The following PPM1D variants were observed in gnomAD, a reference collection of about 807,000 sequenced individuals.
PPM1D encodes the protein protein phosphatase 1D.
In PPM1D, 52 loss-of-function variants were observed where a neutral mutation model predicts 58.3. The observed-to-expected ratio is 0.89, with a 90% CI of 0.71 to 1.12. The LOEUF is 1.12. Among genes scored for constraint, PPM1D ranks in the 50% most tolerant of loss-of-function variants. The pLI is 0.00. For missense variants in PPM1D, 564 were observed against 777.2 expected, an observed-to-expected ratio of 0.73 and a Z score of 3.26; for synonymous variants, 278 against 285.1, an observed-to-expected ratio of 0.98 and a Z score of 0.25.
chr17:60,637,232 CTTTTTTCTT>C (rs893961794), intron 3 of PPM1D, among the ~76,000 whole-genome samples: 2 of 152,040 alleles, frequency 1.3e-5, no homozygotes, highest in Non-Finnish European at 2.9e-5. Context: ...GAATTTTTCT[CTTTTTTCTT>C]TTTCTTTCTT....
In PPM1D at chr17:60,665,469, A is replaced by C. The variant is rs944307871; in HGVS notation, c.*1917A>C. ...ATGATCCACCAGCCTAGGCCTCCCA[A>C]AGTGCTGGGATTACAGGTGTGAGCC... On this transcript the variant is annotated 3_prime_UTR_variant, in exon 6 of 6. Coordinates refer to ENST00000305921, the MANE Select transcript of PPM1D (RefSeq NM_003620.4). 1 of 152,112 alleles carries C rather than the reference A, an allele frequency of 6.6e-6. No individual in the cohort carries two copies. Among genetic ancestry groups the C allele is most frequent in the Non-Finnish European group, 1.5e-5 (1 of 68,062 alleles). The allele number at this position is 152,112 out of a possible 1,614,324, so 9.4% of individuals were successfully genotyped here.
chr17:60,635,835 A>G (rs944026116), intron 3 of PPM1D, among the ~76,000 whole-genome samples: 4 of 152,178 alleles, frequency 2.6e-5, no homozygotes, highest in African/African-American at 9.7e-5. Context: ...TGTATTAGTT[A>G]TCTATTGCTG....
At chr17:60,604,567 T>A (rs749456246) in intron 1 of PPM1D, 1 of 152,196 alleles carries the variant, frequency 6.6e-6, no homozygotes, top group Non-Finnish European at 1.5e-5. Flanking sequence ...ATATGCAGCC[T>A]GGGCAACATG....
intron 5 of PPM1D, among the ~76,000 whole-genome samples, chr17:60,661,331 C>G (rs1330305718): frequency 6.6e-6 from 1 of 150,734 alleles, no homozygotes; most frequent in East Asian, 1.9e-4. Context: ...TTTTCAGAAT[C>G]TATTAATATT....
chr17:60,619,096 T>C (rs1261360575), intron 1 of PPM1D, among the ~76,000 whole-genome samples: 1 of 152,228 alleles, frequency 6.6e-6, no homozygotes, highest in East Asian at 1.9e-4. Context: ...TTCTGTGACT[T>C]TTTCTTTAGA....
At chr17:60,644,612 T>G (rs1567974223) in intron 3 of PPM1D, among the ~76,000 whole-genome samples, 1 of 152,204 alleles carries the variant, frequency 6.6e-6, no homozygotes, top group Non-Finnish European at 1.5e-5. Context: ...TGTTTGGAGG[T>G]GAAGTGTTTT....
intron 3 of PPM1D, 30 bp from the exon 4 acceptor site, chr17:60,647,862 C>T: frequency 3.8e-6 from 6 of 1,561,458 alleles, no homozygotes; most frequent in Non-Finnish European, 5.3e-6. Context: ...CCAACTAATA[C>T]TTCTTGCTTT....
chr17:60,633,178 G>A (rs938041522), intron 2 of PPM1D, among the ~76,000 whole-genome samples: 22 of 151,894 alleles, frequency 1.4e-4, no homozygotes, highest in Non-Finnish European at 4.4e-5. Context: ...CAAGCTACTC[G>A]GGAGGCTTAG....
intron 4 of PPM1D, among the ~76,000 whole-genome samples, chr17:60,656,181 C>T (rs750114160): frequency 4.6e-5 from 7 of 151,612 alleles, no homozygotes; most frequent in Admixed American, 2.0e-4. Flanking sequence ...TTTGGCTGGG[C>T]GCAGTGGCTC....
In PPM1D at chr17:60,654,846, C is replaced by T. The variant is rs1229270971; in HGVS notation, c.1018-1753C>T. 5.0e-5 allele frequency among the ~76,000 whole-genome samples: 7 copies of T among 140,032 alleles called. No homozygotes were observed. The East Asian group carries it at 6.2e-4, about 12-fold the overall frequency. The allele number at this position is 140,032 out of a possible 152,430, so 91.9% of individuals were successfully genotyped here. A position where few individuals can be genotyped will look rare whatever the true frequency, so the allele number is the denominator to read the frequency against. ...TCTTGCCATTGCACTCCAGCCTGGG[C>T]GACAAGAGCAAAACTCCATCTCAAA... On this transcript the variant is annotated intron_variant, in intron 4 of 5. Transcript: ENST00000305921.
intron 5 of PPM1D, among the ~76,000 whole-genome samples, chr17:60,660,117 C>T (rs1370876521): frequency 1.3e-5 from 2 of 152,188 alleles, no homozygotes; most frequent in South Asian, 2.1e-4. Flanking sequence ...AGGCTGATCA[C>T]CCGAGGTCAG....
At chr17:60,661,219 CAAAAAAAAAAA>C (rs373913706) in intron 5 of PPM1D, among the ~76,000 whole-genome samples, 2 of 48,960 alleles carry the variant, frequency 4.1e-5, no homozygotes, top group South Asian at 7.7e-4. Flanking sequence ...AACTCCATCT[CAAAAAAAAAAA>C]AAAAAAAAAA....
Position 60,648,027 on chromosome 17 carries a change from C to T in PPM1D, c.962C>T (p.Pro321Leu). The change falls in exon 4 of 6, where the codon CCA becomes CTA. Residue 321 changes from proline (P) to leucine (L), a missense_variant. Transcript: ENST00000305921. ...AGTGATGGACTTTGGAATATGATTC[C>T]ACCACAAGATGCCATCTCAATGTGC... ...LGSDGLWNMI[P>L]PQDAISMCQD... The T allele has an allele frequency of 6.2e-7, 1 of 1,613,774 alleles. No homozygotes were observed. The highest frequency in any genetic ancestry group is 8.5e-7 in the Non-Finnish European group (1 of 1,179,976).
intron 3 of PPM1D, among the ~76,000 whole-genome samples, chr17:60,644,856 C>T (rs942251381): frequency 3.3e-5 from 5 of 152,050 alleles, no homozygotes; most frequent in East Asian, 1.9e-4. Flanking sequence ...CATTTATAAT[C>T]GCACCCAAGA....
At chr17:60,645,349 C>T (rs1458148846) in intron 3 of PPM1D, among the ~76,000 whole-genome samples, 1 of 150,898 alleles carries the variant, frequency 6.6e-6, no homozygotes, top group African/African-American at 2.4e-5. Context: ...AGCGAAACTC[C>T]ATCTCAAAAA....
intron 2 of PPM1D, among the ~76,000 whole-genome samples, chr17:60,632,781 A>G (rs1183794897): frequency 6.6e-6 from 1 of 152,174 alleles, no homozygotes; most frequent in Non-Finnish European, 1.5e-5. Flanking sequence ...CAGCCTGGCC[A>G]ACATGGTGAA....
At chr17:60,662,889 T>C in intron 5 of PPM1D, 106 bp from the exon 6 acceptor site, 2 of 1,090,826 alleles carry the variant, frequency 1.8e-6, no homozygotes, top group Non-Finnish European at 2.7e-6. Context: ...GCATACCCCG[T>C]TTTTGCCATC....
chr17:60,649,791 C>T (rs1005885254), intron 4 of PPM1D, among the ~76,000 whole-genome samples: 9 of 152,106 alleles, frequency 5.9e-5, no homozygotes, highest in African/African-American at 2.2e-4. Flanking sequence ...TCAGCACTTA[C>T]CATATTATTA....
rs2031607834 is a variant in PPM1D at position 60,665,834 on chromosome 17, T to C, written c.*2282T>C. On this transcript the variant is annotated 3_prime_UTR_variant, in exon 6 of 6. Coordinates refer to ENST00000305921, the MANE Select transcript of PPM1D (RefSeq NM_003620.4). ...CAGCTGTTGGCAGGAGACCTCAGTTTGTTGCCACATGTTCCCCTCCAGAGG... is the reference window on the plus strand; with the variant it reads ...CAGCTGTTGGCAGGAGACCTCAGTTCGTTGCCACATGTTCCCCTCCAGAGG... 3 of 152,202 alleles carry C rather than the reference T, an allele frequency of 2.0e-5. No individual in the cohort carries two copies. The South Asian group carries it at 6.2e-4, about 32-fold the overall frequency. 9.4% of individuals were successfully genotyped at this position (152,202 alleles called of 1,614,324 possible).
Sources: allele counts gnomAD v4.1 joint callset (sites outside exome capture counted in the v4.1 genomes callset), GRCh38; gene constraint gnomAD v4.1.1; transcripts MANE v1.5; gene names NCBI Gene and HGNC (gene_info 2026-07-23, HGNC 2026-07-21).